Variants in BRAF observed in about 807,000 individuals in gnomAD.
BRAF encodes B-Raf proto-oncogene, serine/threonine kinase, also known as serine/threonine-protein kinase B-raf.
In BRAF, 16 loss-of-function variants were observed where a neutral mutation model predicts 104.6. The ratio of observed to expected loss-of-function variants is 0.15; its 90% CI spans 0.10 to 0.23. The LOEUF (loss-of-function observed/expected upper bound fraction) is 0.23. Ranked by LOEUF, BRAF falls within the 10% of genes least tolerant of loss-of-function variation. The pLI, the probability that BRAF is intolerant of heterozygous loss-of-function variation, is 1.00. For synonymous variants in BRAF, 310 were observed against 341.6 expected, an observed-to-expected ratio of 0.91 and a Z score of 1.02; for missense variants, 541 against 937.3, an observed-to-expected ratio of 0.58 and a Z score of 5.52.
chr7:140,829,498 CA>C (rs1464303431), intron 3 of BRAF, among the ~76,000 whole-genome samples: 2 of 151,886 alleles, frequency 1.3e-5, no homozygotes, highest in Non-Finnish European at 2.9e-5. Context: ...CCATTTTTTT[CA>C]TATTACATTT....
chr7:140,791,775 G>A (rs773975905), intron 8 of BRAF, among the ~76,000 whole-genome samples: 3 of 152,066 alleles, frequency 2.0e-5, no homozygotes, highest in Non-Finnish European at 4.4e-5. Context: ...CCAGAAACTC[G>A]GTCTATAAGC....
At chr7:140,764,628 A>C (rs561735850) in intron 14 of BRAF, among the ~76,000 whole-genome samples, 1 of 152,324 alleles carries the variant, frequency 6.6e-6, no homozygotes, top group East Asian at 1.9e-4. Flanking sequence ...ATGTACAAAA[A>C]CCACAAGCAT....
intron 1 of BRAF, among the ~76,000 whole-genome samples, chr7:140,902,031 G>A (rs186999164): frequency 2.0e-5 from 3 of 152,288 alleles, no homozygotes; most frequent in East Asian, 3.9e-4. Context: ...AAACTGTACA[G>A]GCATGCTTCA....
intron 1 of BRAF, among the ~76,000 whole-genome samples, chr7:140,885,209 GC>G (rs1813424338): frequency 6.6e-6 from 1 of 151,944 alleles, no homozygotes; most frequent in Non-Finnish European, 1.5e-5. Context: ...CATCATGTTG[GC>G]CAGGCTGGTC....
At chr7:140,872,043 C>T (rs1811650950) in intron 1 of BRAF, among the ~76,000 whole-genome samples, 1 of 151,926 alleles carries the variant, frequency 6.6e-6, no homozygotes, top group South Asian at 2.1e-4. Context: ...ATGGTGAACC[C>T]CGTTTCCACT....
At chr7:140,738,310 G>T (rs996383571) in intron 18 of BRAF, among the ~76,000 whole-genome samples, 14 of 152,022 alleles carry the variant, frequency 9.2e-5, no homozygotes, top group African/African-American at 2.9e-4. Flanking sequence ...CTTTAGAGAA[G>T]AATAACATTT....
downstream of BRAF, among the ~76,000 whole-genome samples, chr7:140,714,654 C>T (rs149734306): frequency 5.3e-5 from 8 of 152,248 alleles, no homozygotes; most frequent in East Asian, 3.9e-4. Context: ...AGCCACCGTG[C>T]GTGGACTCCC....
intron 1 of BRAF, among the ~76,000 whole-genome samples, chr7:140,889,112 T>C (rs1183090037): frequency 6.6e-6 from 1 of 152,140 alleles, no homozygotes; most frequent in Non-Finnish European, 1.5e-5. Flanking sequence ...AAGAATTACA[T>C]CCATTTCAAA....
At chr7:140,869,108 A>G (rs748155211) in intron 1 of BRAF, among the ~76,000 whole-genome samples, 3 of 152,220 alleles carry the variant, frequency 2.0e-5, no homozygotes, top group Non-Finnish European at 4.4e-5. Flanking sequence ...ATGCAGAATT[A>G]AAAATTATAT....
At chr7:140,726,991 C>T (rs566195665) in intron 19 of BRAF, among the ~76,000 whole-genome samples, 1 of 152,272 alleles carries the variant, frequency 6.6e-6, no homozygotes, top group South Asian at 2.1e-4. Flanking sequence ...TCACACCACA[C>T]GTTTGACAGA....
intron 1 of BRAF, among the ~76,000 whole-genome samples, chr7:140,905,767 T>G (rs1038476787): frequency 6.6e-6 from 1 of 152,126 alleles, no homozygotes; most frequent in Non-Finnish European, 1.5e-5. Context: ...AAAAGTCTGG[T>G]TTCTACATTT....
intron 14 of BRAF, 69 bp downstream of exon 13, chr7:140,776,843 C>T: frequency 6.7e-7 from 1 of 1,497,358 alleles, no homozygotes; most frequent in Non-Finnish European, 9.3e-7. Context: ...GAATAGCAGC[C>T]AAAACCTTTA....
At chr7:140,818,333 G>C (rs1489873731) in intron 3 of BRAF, among the ~76,000 whole-genome samples, 3 of 141,874 alleles carry the variant, frequency 2.1e-5, no homozygotes, top group Middle Eastern at 3.7e-3. Flanking sequence ...TTTTTTTTGA[G>C]ATGGAGTCTT....
chr7:140,742,290 C>T (rs1349495149), intron 17 of BRAF, among the ~76,000 whole-genome samples: 9 of 151,842 alleles, frequency 5.9e-5, no homozygotes, highest in Admixed American at 3.3e-4. Context: ...TTCCTGGGTT[C>T]AAGAGATTCT....
intron 16 of BRAF, 23 bp downstream of exon 15, chr7:140,753,252 G>A (rs1302550107): frequency 6.4e-7 from 1 of 1,565,918 alleles, no homozygotes; most frequent in Non-Finnish European, 8.8e-7. Context: ...TTTAATCAGT[G>A]GAAAAATAGC....
At chr7:140,838,007 T>C (rs1807526751) in intron 2 of BRAF, among the ~76,000 whole-genome samples, 1 of 152,176 alleles carries the variant, frequency 6.6e-6, no homozygotes, top group Non-Finnish European at 1.5e-5. Flanking sequence ...TCCTCTGTTT[T>C]CTCACTCTAC....
chr7:140,787,853 C>T (rs1176798338), intron 8 of BRAF, among the ~76,000 whole-genome samples: 14 of 152,148 alleles, frequency 9.2e-5, no homozygotes, highest in Admixed American at 9.2e-4. Flanking sequence ...AAACCAATGG[C>T]TTCCATTATC....
intron 7 of BRAF, among the ~76,000 whole-genome samples, chr7:140,798,451 G>A (rs1383105969): frequency 2.6e-5 from 4 of 151,138 alleles, no homozygotes; most frequent in East Asian, 3.9e-4. Context: ...TAGTAGAGAC[G>A]GGGTTTCACT....
chr7:140,806,792 C>CA (rs1328457961), intron 5 of BRAF, among the ~76,000 whole-genome samples: 2 of 152,022 alleles, frequency 1.3e-5, no homozygotes, highest in African/African-American at 4.8e-5. Flanking sequence ...ACACTTCTCC[C>CA]AAAAAATGCC....
Sources: gnomAD v4.1 joint callset for allele counts (sites outside exome capture counted in the v4.1 genomes callset) on GRCh38, gnomAD v4.1.1 for gene constraint, MANE v1.5 for transcripts, NCBI Gene and HGNC (gene_info 2026-07-23, HGNC 2026-07-21) for gene names.